OLFM2: variants seen among roughly 807,000 people sequenced by gnomAD.
OLFM2 encodes noelin-2.
A neutral mutation model predicts 43.9 loss-of-function variants in OLFM2; 20 were observed. The ratio of observed to expected loss-of-function variants is 0.46; its 90% CI spans 0.32 to 0.66. The LOEUF (loss-of-function observed/expected upper bound fraction) is 0.66, where lower values mean the gene tolerates loss of function less well. Ranked by LOEUF, OLFM2 falls within the 30% of genes least tolerant of loss-of-function variation. The pLI is 0.04. For synonymous variants in OLFM2, 268 were observed against 278.6 expected (o/e 0.96, Z 0.38); for missense variants, 416 against 643.6 (o/e 0.65, Z 3.83).
At chr19:9,912,562 A>G (rs903847107) in intron 1 of OLFM2, among the ~76,000 whole-genome samples, 1 of 151,910 alleles carries the variant, frequency 6.6e-6, no homozygotes, top group Non-Finnish European at 1.5e-5. Flanking sequence ...TATCTGGAGG[A>G]GGCCCAGGGA....
At chr19:9,873,337 A>G (rs1353887371) in intron 1 of OLFM2, among the ~76,000 whole-genome samples, 2 of 152,082 alleles carry the variant, frequency 1.3e-5, no homozygotes, top group Non-Finnish European at 2.9e-5. Flanking sequence ...TATTTTTTGT[A>G]GAGACGGGGT....
At chr19:9,888,414 C>T (rs1469502381) in intron 1 of OLFM2, among the ~76,000 whole-genome samples, 3 of 142,734 alleles carry the variant, frequency 2.1e-5, no homozygotes, top group African/African-American at 5.2e-5. Flanking sequence ...ATCCCAGCTA[C>T]TCGGGAGGCT....
intron 1 of OLFM2, among the ~76,000 whole-genome samples, chr19:9,890,214 A>G (rs1220704614): frequency 6.6e-6 from 1 of 152,156 alleles, no homozygotes; most frequent in South Asian, 2.1e-4. Context: ...TGTCTGTGGA[A>G]AAATACCACC....
chr19:9,931,441 G>A (rs1053878893), intron 1 of OLFM2, among the ~76,000 whole-genome samples: 1 of 152,126 alleles, frequency 6.6e-6, no homozygotes, highest in Admixed American at 6.6e-5. Context: ...GGTGGCTCAC[G>A]CCTGTAATCC....
In OLFM2 at chr19:9,867,599, G is replaced by T. The variant is rs900081785; in HGVS notation, c.64-6805C>A. ...CCTTGGGGCTTACATATTTATTTGT[G>T]CCCTGCCTTGTTCCAGAGAGGACTC... On this transcript the variant is annotated intron_variant, in intron 1 of 5. Transcript: ENST00000264833. Among the ~76,000 whole-genome samples, 47 of 152,154 alleles carry T rather than the reference G, an allele frequency of 3.1e-4. 1 individual carries two copies. Among genetic ancestry groups the T allele is most frequent in the Non-Finnish European group, 2.5e-4 (17 of 68,024 alleles).
intron 2 of OLFM2, 72 bp downstream of exon 2, chr19:9,860,573 A>G: frequency 6.6e-7 from 1 of 1,517,514 alleles, no homozygotes; most frequent in Non-Finnish European, 8.9e-7. Flanking sequence ...GCTGACCTGG[A>G]TGGGGCTGGA....
intron 1 of OLFM2, among the ~76,000 whole-genome samples, chr19:9,867,151 AC>A (rs965491790): frequency 5.9e-5 from 9 of 152,172 alleles, no homozygotes; most frequent in Non-Finnish European, 1.5e-5. Flanking sequence ...TGGGCGGATC[AC>A]CTGAGGTCAG....
At chr19:9,931,430 C>T (rs2086481300) in intron 1 of OLFM2, among the ~76,000 whole-genome samples, 1 of 151,966 alleles carries the variant, frequency 6.6e-6, no homozygotes, top group Non-Finnish European at 1.5e-5. Flanking sequence ...AGGCCGGGCA[C>T]GGTGGCTCAC....
At chr19:9,934,553 CCT>C (rs58043597) in intron 1 of OLFM2, among the ~76,000 whole-genome samples, 33,798 of 152,070 alleles carry the variant, frequency 0.22, 4,047 homozygotes, top group African/African-American at 0.3. Flanking sequence ...TTCTCTGTCT[CCT>C]CTGCTAGGTC....
chr19:9,913,383 G>C (rs1048181061), intron 1 of OLFM2: 2 of 632,022 alleles, frequency 3.2e-6, no homozygotes, highest in Admixed American at 1.2e-4. Context: ...CACAGGGGTA[G>C]AGGGGGACAG....
In OLFM2 at chr19:9,925,884, T is replaced by G. The variant is rs376176930; in HGVS notation, c.63+10420A>C. Among the ~76,000 whole-genome samples, 427 of 151,354 alleles carry G rather than the reference T, an allele frequency of 2.8e-3. 3 individuals are homozygous for G. The highest frequency in any genetic ancestry group is 9.9e-3 in the African/African-American group (409 of 41,374). On this transcript the variant is annotated intron_variant, in intron 1 of 5. Transcript: ENST00000264833. ...GCGCGGTGGCTCACACCTGTAATCC[T>G]AGCACTTTGGAAGGCTGAGGTGAGA...
Position 9,915,500 on chromosome 19 carries a change from A to T in OLFM2, c.63+20804T>A, listed in dbSNP as rs199803273. ...AGTGATTGGAGAAAGGGACTTTTTTATTTATTTATTTATTTATTTATTTAT... is the reference window on the plus strand; with the variant it reads ...AGTGATTGGAGAAAGGGACTTTTTTTTTTATTTATTTATTTATTTATTTAT... On this transcript the variant is annotated intron_variant, in intron 1 of 5. Coordinates refer to ENST00000264833, the MANE Select transcript of OLFM2 (RefSeq NM_058164.4). 9.0e-4 allele frequency among the ~76,000 whole-genome samples: 50 copies of T among 55,376 alleles called. 1 individual carries two copies. In the Middle Eastern group the frequency reaches 0.068, roughly 76 times the overall value. 36.3% of individuals were successfully genotyped at this position (55,376 alleles called of 152,430 possible). A position where few individuals can be genotyped will look rare whatever the true frequency, so the allele number is the denominator to read the frequency against.
chr19:9,906,880 A>T (rs562568300), intron 1 of OLFM2, among the ~76,000 whole-genome samples: 1 of 151,742 alleles, frequency 6.6e-6, no homozygotes, highest in African/African-American at 2.4e-5. Flanking sequence ...CCCTCCCCCA[A>T]TCACTCTTGC....
chr19:9,925,856 C>T (rs372853312), intron 1 of OLFM2, among the ~76,000 whole-genome samples: 8 of 151,740 alleles, frequency 5.3e-5, no homozygotes, highest in African/African-American at 1.9e-4. Context: ...ACAACCAGGC[C>T]GGGCGCGGTG....
chr19:9,934,579 C>T (rs1217363475), intron 1 of OLFM2, among the ~76,000 whole-genome samples: 2 of 152,256 alleles, frequency 1.3e-5, no homozygotes, highest in African/African-American at 2.4e-5. Context: ...GATAATTCAA[C>T]TTGATTCCTG....
At chr19:9,902,042 A>G (rs1377436232) in intron 1 of OLFM2, among the ~76,000 whole-genome samples, 1 of 151,934 alleles carries the variant, frequency 6.6e-6, no homozygotes, top group African/African-American at 2.4e-5. Flanking sequence ...ATATATATAT[A>G]TTTCGAGATG....
Position 9,855,223 on chromosome 19 carries a change from C to CT in OLFM2, c.688-361dup, listed in dbSNP as rs34795349. Reference sequence around the variant, plus strand: ...CCAAATCCCAGTGAGTGCTATTGGTCTTTTTTTTTTTTAAGTAATTTTTTT... The same window carrying CT: ...CCAAATCCCAGTGAGTGCTATTGGTCTTTTTTTTTTTTTAAGTAATTTTTTT... On this transcript the variant is annotated intron_variant, in intron 5 of 5. Coordinates refer to ENST00000264833, the MANE Select transcript of OLFM2 (RefSeq NM_058164.4). 1.7e-3 allele frequency among the ~76,000 whole-genome samples: 237 copies of CT among 141,934 alleles called. 4 individuals are homozygous for CT. The East Asian group carries it at 0.042, about 25-fold the overall frequency. 93.1% of individuals were successfully genotyped at this position (141,934 alleles called of 152,430 possible).
intron 1 of OLFM2, among the ~76,000 whole-genome samples, chr19:9,903,717 A>C (rs923004774): frequency 6.6e-6 from 1 of 152,112 alleles, no homozygotes; most frequent in African/African-American, 2.4e-5. Context: ...AAGGTAGGAA[A>C]CCCTGGACTC....
intron 1 of OLFM2, among the ~76,000 whole-genome samples, chr19:9,915,667 A>G (rs1158677176): frequency 1.3e-5 from 2 of 151,876 alleles, no homozygotes; most frequent in Non-Finnish European, 2.9e-5. Context: ...ACAGGCACCC[A>G]CCACCACGCC....
Sources: gnomAD v4.1 joint callset for allele counts (sites outside exome capture counted in the v4.1 genomes callset) on GRCh38, gnomAD v4.1.1 for gene constraint, MANE v1.5 for transcripts, NCBI Gene and HGNC (gene_info 2026-07-23, HGNC 2026-07-21) for gene names.